Variants in PHF20L1 observed in about 807,000 individuals in gnomAD.
PHF20L1 encodes the protein PHD finger protein 20 like 1, also known as PHD finger protein 20-like protein 1.
A neutral mutation model predicts 125.5 loss-of-function variants in PHF20L1; 44 were observed. The ratio of observed to expected loss-of-function variants is 0.35; its 90% CI spans 0.28 to 0.45. PHF20L1 has a LOEUF of 0.45. Ranked by LOEUF, PHF20L1 falls within the 20% of genes least tolerant of loss-of-function variation. PHF20L1 has a pLI of 1.00. For synonymous variants in PHF20L1, 380 were observed against 403.1 expected (o/e 0.94, Z 0.69); for missense variants, 1,012 against 1,217.2 (o/e 0.83, Z 2.51).
At chr8:132,837,856 C>T in intron 17 of PHF20L1, 45 bp downstream of exon 17, 2 of 1,316,414 alleles carry the variant, frequency 1.5e-6, no homozygotes, top group Non-Finnish European at 2.2e-6. Flanking sequence ...GCCTCTATGT[C>T]TCCTCCAGGA....
rs757118992 is a variant in PHF20L1 at position 132,823,989 on chromosome 8, T to C, written c.1580-15T>C. On this transcript the variant is annotated splice_polypyrimidine_tract_variant and intron_variant, in intron 12 of 20. Transcript: ENST00000395386. Reference sequence around the variant, plus strand: ...TTTTCTGATTAAACTTACATATTTTTCCCCTAACCCACAGGAATATCGAAA... The same window carrying C: ...TTTTCTGATTAAACTTACATATTTTCCCCCTAACCCACAGGAATATCGAAA... 2.0e-6 allele frequency: 3 copies of C among 1,524,732 alleles called. No homozygotes were observed. Among genetic ancestry groups the C allele is most frequent in the Admixed American group, 1.8e-5 (1 of 55,108 alleles). The allele number at this position is 1,524,732 out of a possible 1,614,324, so 94.5% of individuals were successfully genotyped here.
intron 9 of PHF20L1, 126 bp downstream of exon 9, chr8:132,811,254 A>T: frequency 6.8e-7 from 1 of 1,464,338 alleles, no homozygotes; most frequent in South Asian, 1.4e-5. Flanking sequence ...TTAATTGATG[A>T]TATATTTTTA....
chr8:132,795,695 C>T (rs1251880269), intron 4 of PHF20L1, among the ~76,000 whole-genome samples: 8 of 152,092 alleles, frequency 5.3e-5, no homozygotes, highest in African/African-American at 1.4e-4. Context: ...GGATACATTC[C>T]AAGACCCCCA....
chr8:132,839,182 TTTC>T (rs368515649), intron 17 of PHF20L1: 19 of 548,044 alleles, frequency 3.5e-5, no homozygotes, highest in African/African-American at 3.2e-4. Flanking sequence ...CTTAATGGTG[TTTC>T]TTCTCCTGGG....
chr8:132,794,247 A>G (rs1253210565), intron 2 of PHF20L1, among the ~76,000 whole-genome samples, 163 bp from the exon 3 acceptor site: 1 of 152,184 alleles, frequency 6.6e-6, no homozygotes, highest in Non-Finnish European at 1.5e-5. Context: ...TCATTTATAA[A>G]GACAATAAAG....
chr8:132,786,121 A>T (rs1157875456), intron 2 of PHF20L1, among the ~76,000 whole-genome samples: 1 of 152,148 alleles, frequency 6.6e-6, no homozygotes, highest in Non-Finnish European at 1.5e-5. Flanking sequence ...TAGCAAATGT[A>T]ATTTATTTTT....
chr8:132,832,119 G>A (rs1836844710), intron 14 of PHF20L1, 116 bp from the exon 15 acceptor site: 1 of 700,550 alleles, frequency 1.4e-6, no homozygotes, highest in African/African-American at 1.8e-5. Flanking sequence ...TGGATGAGAA[G>A]CGAAAGTGGT....
At chr8:132,802,578 A>G (rs957463052) in intron 6 of PHF20L1, among the ~76,000 whole-genome samples, 22 of 151,784 alleles carry the variant, frequency 1.4e-4, no homozygotes, top group African/African-American at 5.3e-4. Context: ...CGGTCGCTTG[A>G]ATGCTTAGCC....
intron 2 of PHF20L1, among the ~76,000 whole-genome samples, chr8:132,785,998 A>G (rs1049942765): frequency 6.6e-6 from 1 of 152,110 alleles, no homozygotes; most frequent in African/African-American, 2.4e-5. Context: ...AATGAAGACA[A>G]AAGTTTTGGG....
Position 132,803,886 on chromosome 8 carries a change from G to C in PHF20L1, c.575G>C (p.Arg192Pro). 6.2e-7 allele frequency: 1 copy of C among 1,610,418 alleles called. No individual in the cohort carries two copies. Among genetic ancestry groups the C allele is most frequent in the Non-Finnish European group, 8.5e-7 (1 of 1,177,620 alleles). ...AAKNKTGSKP[R>P]TSANSNKDKD... ...AAGAACAAAACAGGGAGTAAACCTCGAACCAGCGCTAACAGCAATAAAGAT... is the reference window on the plus strand; with the variant it reads ...AAGAACAAAACAGGGAGTAAACCTCCAACCAGCGCTAACAGCAATAAAGAT... The change falls in exon 7 of 21, where the codon CGA becomes CCA. Residue 192 changes from arginine to proline, a missense_variant. By Grantham distance (103) the Arg-to-Pro change is moderately radical (BLOSUM62 -2). Coordinates refer to ENST00000395386, the MANE Select transcript of PHF20L1 (RefSeq NM_016018.5).
rs1838466700 is a variant in PHF20L1, at chr8:132,847,024, T to A, written c.*1101T>A. On this transcript the variant is annotated 3_prime_UTR_variant, in exon 21 of 21. Coordinates refer to ENST00000395386, the MANE Select transcript of PHF20L1 (RefSeq NM_016018.5). ...TAGCTTTGATCACAAGTGGACAAAT[T>A]TCTGAAACCAAAGGCAACTAAGTTG... 1 of 152,518 alleles carries A rather than the reference T, an allele frequency of 6.6e-6. No individual in the cohort carries two copies. Among genetic ancestry groups the A allele is most frequent in the African/African-American group, 2.4e-5 (1 of 41,426 alleles). The allele number at this position is 152,518 out of a possible 1,614,324, so 9.4% of individuals were successfully genotyped here.
Position 132,844,211 on chromosome 8 carries a change from A to T in PHF20L1, c.2804A>T (p.Asp935Val). The T allele has an allele frequency of 6.2e-7, 1 of 1,613,002 alleles. No individual in the cohort carries two copies. The highest frequency in any genetic ancestry group is 8.5e-7 in the Non-Finnish European group (1 of 1,179,226). ...FVYNDKKGTE[D>V]PGDSHLQWQL... ...TATAATGATAAAAAGGGCACCGAAGACCCAGGAGACTCACATCTTCAGTGG... is the reference window on the plus strand; with the variant it reads ...TATAATGATAAAAAGGGCACCGAAGTCCCAGGAGACTCACATCTTCAGTGG... The change falls in exon 20 of 21, where the codon GAC (aspartate) becomes GTC (valine). Residue 935 changes from aspartate (D) to valine (V), a missense_variant. Coordinates refer to ENST00000395386, the MANE Select transcript of PHF20L1 (RefSeq NM_016018.5).
rs1390516689 is a variant in PHF20L1 at position 132,811,084 on chromosome 8, G to GA, written c.893dup (p.Glu299GlyfsTer5). On this transcript the variant is annotated frameshift_variant, in exon 9 of 21. Coordinates refer to ENST00000395386, the MANE Select transcript of PHF20L1 (RefSeq NM_016018.5). LOFTEE classifies it high-confidence loss of function. ...CAAAGCTGTTGGGGTTGATGGTGCT[G>GA]AAAAAAAGGAAGACTACAATGAAAC... 1.2e-6 allele frequency: 2 copies of GA among 1,611,518 alleles called. No homozygotes were observed. Among genetic ancestry groups the GA allele is most frequent in the South Asian group, 1.1e-5 (1 of 91,036 alleles).
chr8:132,790,097 C>T (rs1190581750), intron 2 of PHF20L1, among the ~76,000 whole-genome samples: 1 of 152,140 alleles, frequency 6.6e-6, no homozygotes, highest in Non-Finnish European at 1.5e-5. Context: ...ATGATTCAAC[C>T]TTTAAAAAAT....
intron 1 of PHF20L1, 69 bp from the exon 2 acceptor site, chr8:132,777,723 C>A (rs1220601207): frequency 1.6e-4 from 112 of 694,928 alleles, no homozygotes; most frequent in Non-Finnish European, 2.2e-4. Flanking sequence ...TTTAATTTGA[C>A]CTGTTCCCTT....
chr8:132,789,070 C>G (rs949154900), intron 2 of PHF20L1: 1 of 152,028 alleles, frequency 6.6e-6, no homozygotes, highest in African/African-American at 2.4e-5. Flanking sequence ...GGTAATAATT[C>G]CCATTTTAGA....
Position 132,804,628 on chromosome 8 carries a change from G to C in PHF20L1, c.735G>C (p.Glu245Asp). The change falls in exon 8 of 21, where the codon GAG becomes GAC. Residue 245 changes from glutamate to aspartate, a missense_variant. Coordinates refer to ENST00000395386, the MANE Select transcript of PHF20L1 (RefSeq NM_016018.5). ...TSSETFGLHV[E>D]NVPKMVFPQP... ...TGTTGAAAGTAGGACTTCATGTAGA[G>C]AACGTTCCAAAGATGGTCTTTCCAC... The C allele has an allele frequency of 6.2e-7, 1 of 1,606,842 alleles. No individual in the cohort carries two copies. The highest frequency in any genetic ancestry group is 1.3e-5 in the African/African-American group (1 of 74,688).
intron 12 of PHF20L1, among the ~76,000 whole-genome samples, chr8:132,822,250 A>G (rs1483357398): frequency 6.6e-6 from 1 of 151,878 alleles, no homozygotes; most frequent in African/African-American, 2.4e-5. Context: ...CTGCTGTGTT[A>G]ACTTCCGTGT....
Position 132,844,315 on chromosome 8 carries a change from G to A in PHF20L1, c.2908G>A (p.Asp970Asn), listed in dbSNP as rs776611943. 1.4e-5 allele frequency: 23 copies of A among 1,600,752 alleles called. No individual in the cohort carries two copies. The highest frequency in any genetic ancestry group is 9.5e-5 in the African/African-American group (7 of 74,010). ...GATGGACCTAATAGAAAAAGAAGTC[G>A]ATGGTAATTTAAGAAAGAACTAAAA... ...SRMDLIEKEVDVLESWLDFTG... is the reference protein window; with the variant it reads ...SRMDLIEKEVNVLESWLDFTG... The change falls in exon 20 of 21, where the codon GAT becomes AAT. Residue 970 changes from aspartate to asparagine, a missense_variant. Asp to Asn is a conservative substitution (Grantham distance 23). This residue lies in a region of PHF20L1 where 277 missense variants were observed against 283.6 expected (regional missense o/e 0.98). Transcript: ENST00000395386.
Sources: allele counts gnomAD v4.1 joint callset (sites outside exome capture counted in the v4.1 genomes callset), GRCh38; gene constraint gnomAD v4.1.1; regional missense constraint gnomAD v4.1.1; transcripts MANE v1.5; gene names NCBI Gene and HGNC (gene_info 2026-07-23, HGNC 2026-07-21).